CHD6: variants seen among roughly 807,000 people sequenced by gnomAD.
CHD6 encodes ATP-dependent chromatin remodeler CHD6.
A neutral mutation model predicts 276.9 loss-of-function variants in CHD6; 50 were observed. That is an observed-to-expected ratio of 0.18 (90% CI 0.14 to 0.23). CHD6 has a LOEUF of 0.23. Ranked by LOEUF, CHD6 falls within the 10% of genes least tolerant of loss-of-function variation. The pLI is 1.00. For missense variants in CHD6, 2,564 were observed against 3,365.8 expected, an observed-to-expected ratio of 0.76 and a Z score of 5.89; for synonymous variants, 1,173 against 1,229.3, an observed-to-expected ratio of 0.95 and a Z score of 0.96.
chr20:41,608,704 G>T (rs2045854611), intron 1 of CHD6, among the ~76,000 whole-genome samples: 1 of 152,190 alleles, frequency 6.6e-6, no homozygotes, highest in Non-Finnish European at 1.5e-5. Flanking sequence ...GTCTTCAGAA[G>T]TACCTTCTAA....
intron 17 of CHD6, among the ~76,000 whole-genome samples, chr20:41,464,590 T>C (rs2042875677): frequency 6.6e-6 from 1 of 152,204 alleles, no homozygotes; most frequent in African/African-American, 2.4e-5. Flanking sequence ...GCACTGTAAT[T>C]AGAAAATTCA....
At chr20:41,555,129 C>T (rs2045206310) in intron 1 of CHD6, among the ~76,000 whole-genome samples, 1 of 142,516 alleles carries the variant, frequency 7.0e-6, no homozygotes, top group Non-Finnish European at 1.5e-5. Context: ...ACCTCCCTCC[C>T]CGACGGGGCG....
intron 1 of CHD6, among the ~76,000 whole-genome samples, chr20:41,595,453 C>T (rs1016494166): frequency 3.3e-5 from 5 of 152,028 alleles, no homozygotes; most frequent in Admixed American, 2.6e-4. Flanking sequence ...ATGAGGGAAG[C>T]GGCCCAAGAA....
At chr20:41,434,071 C>T (rs2047626886) in intron 27 of CHD6, among the ~76,000 whole-genome samples, 1 of 152,050 alleles carries the variant, frequency 6.6e-6, no homozygotes, top group South Asian at 2.1e-4. Context: ...TTTAATGTAT[C>T]AATAATTACA....
At chr20:41,549,499 G>A (rs1345392873) in intron 2 of CHD6, among the ~76,000 whole-genome samples, 1 of 95,388 alleles carries the variant, frequency 1.0e-5, no homozygotes, top group African/African-American at 4.1e-5. Flanking sequence ...GTTGTGGGGT[G>A]GGGGGAGGGG....
chr20:41,528,372 A>G (rs2044595959), intron 3 of CHD6, among the ~76,000 whole-genome samples: 7 of 152,140 alleles, frequency 4.6e-5, no homozygotes, highest in Admixed American at 4.6e-4. Flanking sequence ...ATAAACGTAC[A>G]TCTGTGTATG....
intron 5 of CHD6, among the ~76,000 whole-genome samples, chr20:41,503,124 G>T (rs571638628): frequency 4.5e-4 from 69 of 152,230 alleles, no homozygotes; most frequent in South Asian, 1.2e-3. Context: ...TGTATTTTTT[G>T]AGTTATTCCA....
At chr20:41,515,736 C>T (rs2044233654) in intron 3 of CHD6, among the ~76,000 whole-genome samples, 1 of 152,202 alleles carries the variant, frequency 6.6e-6, no homozygotes, top group African/African-American at 2.4e-5. Context: ...GCTCAATAAA[C>T]ATTTGCTATC....
At chr20:41,518,884 G>T (rs911635113) in intron 3 of CHD6, among the ~76,000 whole-genome samples, 1 of 152,208 alleles carries the variant, frequency 6.6e-6, no homozygotes, top group Admixed American at 6.5e-5. Flanking sequence ...CCTTATGCTT[G>T]AGAGTTTTAT....
intron 2 of CHD6, among the ~76,000 whole-genome samples, chr20:41,543,108 A>AG: frequency 6.6e-6 from 1 of 152,122 alleles, no homozygotes; most frequent in Middle Eastern, 3.4e-3. Context: ...GTCTCAAAAA[A>AG]AAAAAAAAAA....
chr20:41,473,799 A>C lies in CHD6; in HGVS notation c.2469-282T>G, dbSNP rs902273526. ...AAACTAAGAAGGACTAGAAGAATTA[A>C]ATCATAAAATACCGATCCCCATAGC... On this transcript the variant is annotated intron_variant, in intron 16 of 36. Transcript: ENST00000373233. This position sits in a 1 kb window ranked among gnomAD's most constrained non-coding sequence, Gnocchi z 4.1. Among the ~76,000 whole-genome samples the C allele has an allele frequency of 3.9e-5, 6 of 152,180 alleles. No individual in the cohort carries two copies. Among genetic ancestry groups the C allele is most frequent in the Non-Finnish European group, 8.8e-5 (6 of 68,030 alleles).
chr20:41,404,044 A>G lies in CHD6; in HGVS notation c.*549T>C. ...TAAAGAAATGAATATATGTATTTTC[A>G]ACCATTAGTTATATACTTCTGTCTA... On this transcript the variant is annotated 3_prime_UTR_variant, in exon 37 of 37. Transcript: ENST00000373233. 1 of 1,047,724 alleles carries G rather than the reference A, an allele frequency of 9.5e-7. No individual in the cohort carries two copies. The highest frequency in any genetic ancestry group is 1.2e-6 in the Non-Finnish European group (1 of 867,284). 64.9% of individuals were successfully genotyped at this position (1,047,724 alleles called of 1,614,324 possible).
intron 2 of CHD6, among the ~76,000 whole-genome samples, chr20:41,550,096 C>T (rs2045121634): frequency 6.6e-6 from 1 of 152,192 alleles, no homozygotes; most frequent in African/African-American, 2.4e-5. Flanking sequence ...CCACTGCATC[C>T]AGCCAGTAAT....
rs377394878 is a variant in CHD6 at position 41,415,265 on chromosome 20, C to T, written c.6860G>A (p.Arg2287Gln). Residue 2287 changes from arginine (R) to glutamine (Q), a missense_variant, in exon 34 of 37, where the codon CGG (arginine) becomes CAG (glutamine). Coordinates refer to ENST00000373233, the MANE Select transcript of CHD6 (RefSeq NM_032221.5). Reference sequence around the variant, plus strand: ...TTCAACATGTTTCCGCCTCCCTCTCCGCCTCCTCGTGGCTGCATCATCTCT... The same window carrying T: ...TTCAACATGTTTCCGCCTCCCTCTCTGCCTCCTCGTGGCTGCATCATCTCT... ...LRRDDAATRR[R>Q]RGRRKHVEGG... 18 of 1,614,054 alleles carry T rather than the reference C, an allele frequency of 1.1e-5. No homozygotes were observed. The highest frequency in any genetic ancestry group is 1.4e-5 in the Non-Finnish European group (16 of 1,180,052).
intron 1 of CHD6, among the ~76,000 whole-genome samples, chr20:41,552,089 C>A (rs1458775405): frequency 6.6e-6 from 1 of 152,158 alleles, no homozygotes; most frequent in Non-Finnish European, 1.5e-5. Context: ...GGGAAAAGAA[C>A]AAACCCTAGT....
At position 41,517,511 on chromosome 20, in the gene CHD6, C is replaced by T. The variant is rs898937634; in HGVS notation, c.555-2559G>A. 3.9e-5 allele frequency among the ~76,000 whole-genome samples: 6 copies of T among 152,080 alleles called. No individual in the cohort carries two copies. In the East Asian group the frequency reaches 9.6e-4, roughly 24 times the overall value. Reference sequence around the variant, plus strand: ...GGGTCATGCCATTTTTGAGGATTACCGATTTTTAACAAGGGACTTGTACCC... The same window carrying T: ...GGGTCATGCCATTTTTGAGGATTACTGATTTTTAACAAGGGACTTGTACCC... On this transcript the variant is annotated intron_variant, in intron 3 of 36. Transcript: ENST00000373233.
At chr20:41,410,796 C>G (rs763577308) in intron 36 of CHD6, among the ~76,000 whole-genome samples, 4 of 151,930 alleles carry the variant, frequency 2.6e-5, no homozygotes, top group Non-Finnish European at 4.4e-5. Flanking sequence ...GGGAAAGAAA[C>G]AAGCAAGCCA....
intron 5 of CHD6, among the ~76,000 whole-genome samples, chr20:41,501,629 G>T (rs1196788613): frequency 1.3e-5 from 2 of 152,076 alleles, no homozygotes; most frequent in African/African-American, 4.8e-5. Context: ...GTCTTTTGGT[G>T]GAAAAATATG....
At chr20:41,499,471 T>G in intron 5 of CHD6, 114 bp from the exon 6 acceptor site, 1 of 789,780 alleles carries the variant, frequency 1.3e-6, no homozygotes, top group Non-Finnish European at 2.0e-6. Flanking sequence ...CACCTTTGAG[T>G]ACCAAGGCCT....
Sources: gnomAD v4.1 joint callset for allele counts (sites outside exome capture counted in the v4.1 genomes callset) on GRCh38, gnomAD v4.1.1 for gene constraint, Gnocchi (gnomAD v3.1) non-coding constraint, MANE v1.5 for transcripts, NCBI Gene and HGNC (gene_info 2026-07-23, HGNC 2026-07-21) for gene names.